The following CDH18 variants were observed in gnomAD, a reference collection of about 807,000 sequenced individuals.
CDH18 encodes cadherin 18.
A neutral mutation model predicts 67.9 loss-of-function variants in CDH18; 31 were observed. The observed-to-expected ratio is 0.46, with a 90% CI of 0.34 to 0.62. The LOEUF is 0.62. Ranked by LOEUF, CDH18 falls within the 20% of genes least tolerant of loss-of-function variation. The pLI is 0.01. For synonymous variants in CDH18, 362 were observed against 347.2 expected, an observed-to-expected ratio of 1.04 and a Z score of -0.48; for missense variants, 890 against 975.5, an observed-to-expected ratio of 0.91 and a Z score of 1.17.
intron 10 of CDH18, among the ~76,000 whole-genome samples, chr5:19,504,523 T>C (rs1180372403): frequency 6.6e-6 from 1 of 152,030 alleles, no homozygotes; most frequent in Non-Finnish European, 1.5e-5. Flanking sequence ...ATTGTAAAAA[T>C]TCCAGTGCTG....
At chr5:20,347,697 G>A (rs1740816044) in intron 1 of CDH18, among the ~76,000 whole-genome samples, 1 of 152,178 alleles carries the variant, frequency 6.6e-6, no homozygotes, top group African/African-American at 2.4e-5. Context: ...CATGATATCA[G>A]CATTGTGTGT....
chr5:19,941,821 CTA>C (rs1421020944), intron 2 of CDH18, among the ~76,000 whole-genome samples: 2 of 151,842 alleles, frequency 1.3e-5, no homozygotes, highest in Non-Finnish European at 2.9e-5. Flanking sequence ...CAATCCTCAT[CTA>C]CCCTGCCTAA....
intron 2 of CDH18, among the ~76,000 whole-genome samples, chr5:19,927,375 C>T (rs1793207276): frequency 6.6e-6 from 1 of 151,966 alleles, no homozygotes; most frequent in South Asian, 2.1e-4. Context: ...TGACTCTTGC[C>T]CTCACTTAAA....
intron 2 of CDH18, among the ~76,000 whole-genome samples, chr5:20,022,512 C>CA (rs1354423878): frequency 1.3e-5 from 2 of 152,120 alleles, no homozygotes; most frequent in South Asian, 4.1e-4. Flanking sequence ...GCAACAGATA[C>CA]AAAAAACATT....
intron 2 of CDH18, among the ~76,000 whole-genome samples, chr5:20,075,873 A>G (rs1038459807): frequency 1.2e-4 from 18 of 152,066 alleles, no homozygotes; most frequent in Non-Finnish European, 2.4e-4. Flanking sequence ...GATAAAAATA[A>G]TTGAGTATTT....
chr5:20,194,209 T>C (rs893735250), intron 2 of CDH18, among the ~76,000 whole-genome samples: 1 of 152,124 alleles, frequency 6.6e-6, no homozygotes, highest in Non-Finnish European at 1.5e-5. Context: ...ATTTTATATT[T>C]AGAAAACCCC....
intron 5 of CDH18, among the ~76,000 whole-genome samples, chr5:19,670,508 T>A (rs1412183007): frequency 6.6e-6 from 1 of 152,150 alleles, no homozygotes; most frequent in African/African-American, 2.4e-5. Context: ...GTAACGTTTA[T>A]CTCTAAGGAT....
chr5:20,182,725 C>A, intron 2 of CDH18, among the ~76,000 whole-genome samples: 1 of 151,704 alleles, frequency 6.6e-6, no homozygotes, highest in Non-Finnish European at 1.5e-5. Context: ...TGCTTCTCTG[C>A]CTTCTGCCAT....
intron 2 of CDH18, among the ~76,000 whole-genome samples, chr5:20,213,300 C>T (rs548250966): frequency 7.2e-5 from 11 of 152,194 alleles, no homozygotes; most frequent in African/African-American, 2.4e-4. Context: ...TATACGGGCA[C>T]AGATTGTGGT....
chr5:20,135,883 TCCA>T (rs1749670868), intron 2 of CDH18, among the ~76,000 whole-genome samples: 2 of 152,206 alleles, frequency 1.3e-5, no homozygotes, highest in Non-Finnish European at 2.9e-5. Flanking sequence ...TTGTTCAGTT[TCCA>T]TGTAGTTGTG....
intron 12 of CDH18, among the ~76,000 whole-genome samples, chr5:19,475,375 G>A (rs544790296): frequency 1.3e-5 from 2 of 152,038 alleles, no homozygotes; most frequent in South Asian, 2.1e-4. Context: ...CCTACAGTTT[G>A]CCAAACTTAT....
At chr5:19,823,339 T>C (rs1780074688) in intron 3 of CDH18, among the ~76,000 whole-genome samples, 1 of 152,124 alleles carries the variant, frequency 6.6e-6, no homozygotes, top group Admixed American at 6.5e-5. Flanking sequence ...GTGATAAGTG[T>C]CCATGAAATC....
chr5:20,272,166 G>A (rs568342724), intron 1 of CDH18, among the ~76,000 whole-genome samples: 54 of 152,104 alleles, frequency 3.6e-4, no homozygotes, highest in African/African-American at 1.1e-3. Flanking sequence ...AGCCTAAGAG[G>A]AAGAAGTGGA....
chr5:20,086,729 T>G (rs760727565), intron 2 of CDH18, among the ~76,000 whole-genome samples: 1 of 152,180 alleles, frequency 6.6e-6, no homozygotes, highest in Non-Finnish European at 1.5e-5. Flanking sequence ...CTGAATAGTT[T>G]AAGCCCACTG....
chr5:19,722,302 G>A (rs1766211411), intron 4 of CDH18, among the ~76,000 whole-genome samples: 2 of 151,646 alleles, frequency 1.3e-5, no homozygotes, highest in South Asian at 2.1e-4. Context: ...GATCCGCCCC[G>A]CTCAGCCTCC....
chr5:20,341,089 C>A (rs141076536), intron 1 of CDH18, among the ~76,000 whole-genome samples: 27 of 152,296 alleles, frequency 1.8e-4, no homozygotes, highest in African/African-American at 6.5e-4. Context: ...ACAGCTCCCA[C>A]ATCCTTCCCT....
At chr5:19,757,802 T>A (rs1188256075) in intron 3 of CDH18, among the ~76,000 whole-genome samples, 1 of 152,322 alleles carries the variant, frequency 6.6e-6, no homozygotes, top group Admixed American at 6.5e-5. Flanking sequence ...TAATCACACA[T>A]CTGGCCATTA....
At chr5:20,299,682 C>T (rs1021050238) in intron 1 of CDH18, among the ~76,000 whole-genome samples, 6 of 142,586 alleles carry the variant, frequency 4.2e-5, no homozygotes, top group East Asian at 2.1e-4. Context: ...TTGCTGAACC[C>T]GGGAGTCAGA....
chr5:19,677,677 G>T (rs996490534), intron 5 of CDH18, among the ~76,000 whole-genome samples: 2 of 151,678 alleles, frequency 1.3e-5, no homozygotes, highest in African/African-American at 4.8e-5. Context: ...AATGTCACAT[G>T]CAATGACAAC....
Sources: allele counts gnomAD v4.1 joint callset (sites outside exome capture counted in the v4.1 genomes callset), GRCh38; gene constraint gnomAD v4.1.1; transcripts MANE v1.5; gene names NCBI Gene and HGNC (gene_info 2026-07-23, HGNC 2026-07-21).